TEX9: variants seen among roughly 807,000 people sequenced by gnomAD.
TEX9 encodes the protein testis expressed 9.
In TEX9, 74 loss-of-function variants were observed where a neutral mutation model predicts 59.6. That is an observed-to-expected ratio of 1.24 (90% CI 1.03 to 1.51). The LOEUF (loss-of-function observed/expected upper bound fraction) is 1.51. TEX9 is among the 40% of genes most tolerant of loss of function. The pLI is 0.00. For missense variants in TEX9, 522 were observed against 447.8 expected, an observed-to-expected ratio of 1.17 and a Z score of -1.49; for synonymous variants, 186 against 152.2, an observed-to-expected ratio of 1.22 and a Z score of -1.64.
chr15:56,417,754 C>T (rs2049767184), intron 10 of TEX9, among the ~76,000 whole-genome samples: 1 of 151,762 alleles, frequency 6.6e-6, no homozygotes. Context: ...TAATTTTCTA[C>T]CTCGATGATC....
chr15:56,441,320 G>A (rs753649430), intron 12 of TEX9, among the ~76,000 whole-genome samples: 5 of 151,808 alleles, frequency 3.3e-5, no homozygotes, highest in African/African-American at 4.8e-5. Context: ...GATCTATCTC[G>A]GTGAAGGTTC....
chr15:56,388,645 C>T, intron 5 of TEX9, 125 bp downstream of exon 5: 1 of 677,814 alleles, frequency 1.5e-6, no homozygotes, highest in Non-Finnish European at 2.5e-6. Flanking sequence ...AACCTTGATA[C>T]TCAGAGGGAT....
rs116408961 is a variant in TEX9, at chr15:56,317,297, C to T, written c.-106-56144C>T. Among the ~76,000 whole-genome samples the T allele has an allele frequency of 9.8e-3, 1,488 of 152,328 alleles. 21 individuals are homozygous for T. The highest frequency in any genetic ancestry group is 0.034 in the African/African-American group (1,407 of 41,586). ...TGTCTTTCTAGGAATATACTCATTT[C>T]ATCTAGGCTACTGAGTTCATTGGCA... is the stretch of plus-strand genomic sequence containing the variant. On this transcript the variant is annotated intron_variant, in intron 1 of 5. Coordinates refer to the TEX9 transcript ENST00000560827.
chr15:56,330,282 G>A (rs1162288551), intron 1 of TEX9, among the ~76,000 whole-genome samples: 5 of 152,076 alleles, frequency 3.3e-5, no homozygotes, highest in African/African-American at 1.2e-4. Context: ...AATGCTAAAG[G>A]GGGTACTTCA....
At chr15:56,368,123 G>A (rs1037307693) in intron 2 of TEX9, among the ~76,000 whole-genome samples, 11 of 152,064 alleles carry the variant, frequency 7.2e-5, no homozygotes, top group Non-Finnish European at 1.3e-4. Context: ...TTGCTCTAGG[G>A]TTTTGGTAGA....
intron 1 of TEX9, among the ~76,000 whole-genome samples, chr15:56,262,204 A>G (rs2044284677): frequency 6.6e-6 from 1 of 152,238 alleles, no homozygotes; most frequent in African/African-American, 2.4e-5. Context: ...CCAGCTGGCA[A>G]GAACAAATAT....
intron 1 of TEX9, among the ~76,000 whole-genome samples, chr15:56,267,106 T>C (rs2044404156): frequency 6.6e-6 from 1 of 152,236 alleles, no homozygotes; most frequent in South Asian, 2.1e-4. Flanking sequence ...ATGTGTCTGT[T>C]CACTGTATAA....
chr15:56,249,770 A>AAAAG (rs2043970337), intron 1 of TEX9, among the ~76,000 whole-genome samples: 2 of 142,944 alleles, frequency 1.4e-5, no homozygotes, highest in Non-Finnish European at 3.1e-5. Context: ...AAAAAAAAAG[A>AAAAG]GGAAAGAAGA....
At chr15:56,274,540 A>G (rs1334643656) in intron 1 of TEX9, 3 of 152,010 alleles carry the variant, frequency 2.0e-5, no homozygotes, top group Admixed American at 1.3e-4. Context: ...TTTTTAATGA[A>G]ATGCTTCATG....
intron 1 of TEX9, among the ~76,000 whole-genome samples, chr15:56,270,369 C>G (rs1281459772): frequency 6.6e-6 from 1 of 152,172 alleles, no homozygotes; most frequent in African/African-American, 2.4e-5. Flanking sequence ...GTTAGCTCTT[C>G]TTGTTGAATT....
chr15:56,328,743 T>G (rs1444877864), intron 1 of TEX9, among the ~76,000 whole-genome samples: 1 of 152,170 alleles, frequency 6.6e-6, no homozygotes, highest in Non-Finnish European at 1.5e-5. Flanking sequence ...TCTCATGGTT[T>G]GAGTGCCAGC....
At chr15:56,318,221 C>A (rs1276505112) in intron 1 of TEX9, among the ~76,000 whole-genome samples, 9 of 151,970 alleles carry the variant, frequency 5.9e-5, no homozygotes. Context: ...TATTTATGTT[C>A]CTAATGCGTT....
exon 7 of TEX9, chr15:56,391,317 T>G (rs1422395172): frequency 5.6e-6 from 9 of 1,606,104 alleles, no homozygotes; most frequent in African/African-American, 1.3e-5. Context: ...GACTTTTCCC[T>G]TGCAAAAACA....
chr15:56,362,617 G>A (rs538663471), upstream of TEX9, among the ~76,000 whole-genome samples: 2 of 152,204 alleles, frequency 1.3e-5, no homozygotes, highest in Middle Eastern at 3.4e-3. Context: ...GGCTTTTAGT[G>A]TATTCACAGA....
chr15:56,262,386 A>G (rs953562242), intron 1 of TEX9, among the ~76,000 whole-genome samples: 8 of 152,134 alleles, frequency 5.3e-5, no homozygotes. Flanking sequence ...GCTTTGTTTT[A>G]TTTCCAGACA....
At chr15:56,419,293 C>G (rs2049854239) in intron 10 of TEX9, among the ~76,000 whole-genome samples, 1 of 151,888 alleles carries the variant, frequency 6.6e-6, no homozygotes, top group South Asian at 2.1e-4. Flanking sequence ...GGATTTTCTA[C>G]AGACCTTTTC....
intron 1 of TEX9, among the ~76,000 whole-genome samples, chr15:56,286,916 G>T (rs550196573): frequency 1.3e-5 from 2 of 152,162 alleles, no homozygotes; most frequent in Non-Finnish European, 2.9e-5. Context: ...TTCTACTGAG[G>T]CAGAGGCAGA....
chr15:56,428,638 C>T (rs540733270), intron 12 of TEX9: 10 of 476,740 alleles, frequency 2.1e-5, no homozygotes, highest in South Asian at 8.9e-5. Context: ...AAGTTCTTAG[C>T]GTGACAATTA....
chr15:56,357,496 T>G (rs1490557836), intron 1 of TEX9, among the ~76,000 whole-genome samples: 1 of 152,176 alleles, frequency 6.6e-6, no homozygotes, highest in Non-Finnish European at 1.5e-5. Context: ...TCTGGAAAAT[T>G]CTAAGGAATT....
Sources: gnomAD v4.1 joint callset for allele counts (sites outside exome capture counted in the v4.1 genomes callset) on GRCh38, gnomAD v4.1.1 for gene constraint, MANE v1.5 for transcripts, NCBI Gene and HGNC (gene_info 2026-07-23, HGNC 2026-07-21) for gene names.